Variants in PRMT3 observed in about 807,000 individuals in gnomAD.
PRMT3 encodes protein arginine N-methyltransferase 3.
PRMT3 carries 62 observed loss-of-function variants against 71.9 expected under a neutral mutation model. The observed-to-expected ratio is 0.86, with a 90% CI of 0.70 to 1.07. The LOEUF (loss-of-function observed/expected upper bound fraction) is 1.07, where lower values mean the gene tolerates loss of function less well. Among genes scored for constraint, PRMT3 ranks in the 50% least tolerant of loss-of-function variants. The pLI, the probability that PRMT3 is intolerant of heterozygous loss-of-function variation, is 0.00. For synonymous variants in PRMT3, 213 were observed against 220.4 expected (o/e 0.97, Z 0.30); for missense variants, 663 against 643.0 (o/e 1.03, Z -0.34).
At chr11:20,424,881 G>A (rs772413429) in intron 9 of PRMT3, among the ~76,000 whole-genome samples, 2 of 152,086 alleles carry the variant, frequency 1.3e-5, no homozygotes, top group Non-Finnish European at 2.9e-5. Flanking sequence ...AGCACTTTGG[G>A]AGGTTGAGGT....
At chr11:20,453,419 G>C (rs1376248722) in intron 11 of PRMT3, among the ~76,000 whole-genome samples, 1 of 150,726 alleles carries the variant, frequency 6.6e-6, no homozygotes, top group African/African-American at 2.4e-5. Flanking sequence ...GGCAGAGGTT[G>C]CAGTGAGAGG....
At chr11:20,472,151 A>T (rs756870243) in intron 13 of PRMT3, among the ~76,000 whole-genome samples, 1 of 152,188 alleles carries the variant, frequency 6.6e-6, no homozygotes, top group African/African-American at 2.4e-5. Flanking sequence ...GCAAACAAAG[A>T]TAATTTGACT....
intron 13 of PRMT3, among the ~76,000 whole-genome samples, chr11:20,475,289 C>G (rs1031049067): frequency 6.6e-6 from 1 of 152,188 alleles, no homozygotes; most frequent in Non-Finnish European, 1.5e-5. Context: ...CTTCTACTTT[C>G]TACAGTGCCG....
chr11:20,486,949 C>T (rs1202014815), intron 13 of PRMT3, among the ~76,000 whole-genome samples: 5 of 151,698 alleles, frequency 3.3e-5, no homozygotes, highest in African/African-American at 4.8e-5. Context: ...CCCAGCTACT[C>T]GGGAGGCTGA....
intron 15 of PRMT3, among the ~76,000 whole-genome samples, chr11:20,498,134 G>A (rs1851374902): frequency 6.6e-6 from 1 of 152,130 alleles, no homozygotes; most frequent in Non-Finnish European, 1.5e-5. Flanking sequence ...AAAGCAAGGA[G>A]AGAAGAAACA....
At chr11:20,476,224 G>A (rs1269249822) in intron 13 of PRMT3, among the ~76,000 whole-genome samples, 1 of 151,752 alleles carries the variant, frequency 6.6e-6, no homozygotes, top group East Asian at 2.0e-4. Context: ...GTGATGGCAG[G>A]CGCCTGTAAT....
chr11:20,482,154 T>C (rs898711966), intron 13 of PRMT3, among the ~76,000 whole-genome samples: 1 of 152,092 alleles, frequency 6.6e-6, no homozygotes, highest in Admixed American at 6.6e-5. Flanking sequence ...GATCCTCTTT[T>C]GAAAGCCATG....
At chr11:20,396,048 T>C in intron 6 of PRMT3, 86 bp downstream of exon 6, 1 of 1,232,832 alleles carries the variant, frequency 8.1e-7, no homozygotes, top group Non-Finnish European at 1.1e-6. Context: ...GTAGAACATT[T>C]CATATACTGG....
At chr11:20,446,074 C>G (rs1405764253) in intron 10 of PRMT3, among the ~76,000 whole-genome samples, 1 of 152,080 alleles carries the variant, frequency 6.6e-6, no homozygotes, top group African/African-American at 2.4e-5. Flanking sequence ...CACTTCAGCA[C>G]TCATGTCTGG....
intron 11 of PRMT3, among the ~76,000 whole-genome samples, chr11:20,453,701 G>A (rs1441128988): frequency 1.3e-5 from 2 of 151,930 alleles, no homozygotes; most frequent in Non-Finnish European, 2.9e-5. Context: ...GCAGCAATTG[G>A]CTGCAACTTT....
chr11:20,402,368 C>T (rs575356581), intron 7 of PRMT3, among the ~76,000 whole-genome samples: 4 of 152,152 alleles, frequency 2.6e-5, no homozygotes, highest in Non-Finnish European at 5.9e-5. Flanking sequence ...ATCCTCTTGC[C>T]TCGGCCTCCC....
chr11:20,415,674 T>C (rs1849289226), intron 9 of PRMT3, among the ~76,000 whole-genome samples: 1 of 37,622 alleles, frequency 2.7e-5, no homozygotes, highest in Admixed American at 1.7e-4. Flanking sequence ...AGTAGGCATA[T>C]TTCCACCATG....
At chr11:20,388,268 C>G (rs1478382171) in intron 2 of PRMT3, 114 bp downstream of exon 2, 6 of 1,439,610 alleles carry the variant, frequency 4.2e-6, no homozygotes, top group East Asian at 2.4e-5. Context: ...TCTTTGAATT[C>G]TGGAACCACT....
chr11:20,468,769 C>A (rs1157405156), intron 13 of PRMT3, among the ~76,000 whole-genome samples: 2 of 152,134 alleles, frequency 1.3e-5, no homozygotes, highest in Non-Finnish European at 2.9e-5. Context: ...AAGAACACCC[C>A]TTTTGTATTT....
At chr11:20,491,727 C>G (rs1180628341) in intron 13 of PRMT3, among the ~76,000 whole-genome samples, 1 of 152,078 alleles carries the variant, frequency 6.6e-6, no homozygotes. Flanking sequence ...CTGAGACTTG[C>G]AGCAGTGATT....
intron 6 of PRMT3, among the ~76,000 whole-genome samples, chr11:20,396,970 TGTA>T (rs767843710): frequency 1.3e-5 from 2 of 152,144 alleles, no homozygotes; most frequent in Non-Finnish European, 2.9e-5. Flanking sequence ...TAGAGCCAAT[TGTA>T]GTTCCTCTTC....
At chr11:20,388,282 C>A in intron 2 of PRMT3, 128 bp downstream of exon 2, 1 of 1,363,802 alleles carries the variant, frequency 7.3e-7, no homozygotes, top group Non-Finnish European at 1.0e-6. Flanking sequence ...AACCACTGGT[C>A]TGGGGTGAGG....
At chr11:20,480,739 G>A (rs1275425929) in intron 13 of PRMT3, among the ~76,000 whole-genome samples, 1 of 152,104 alleles carries the variant, frequency 6.6e-6, no homozygotes, top group East Asian at 1.9e-4. Context: ...GACAGGACTT[G>A]AGAATGAGTT....
chr11:20,415,818 C>T (rs1442498144), intron 9 of PRMT3, among the ~76,000 whole-genome samples: 2 of 152,168 alleles, frequency 1.3e-5, no homozygotes, highest in African/African-American at 4.8e-5. Flanking sequence ...CATTATTATT[C>T]TGCAATCATA....
Sources: allele counts gnomAD v4.1 joint callset (sites outside exome capture counted in the v4.1 genomes callset), GRCh38; gene constraint gnomAD v4.1.1; transcripts MANE v1.5; gene names NCBI Gene and HGNC (gene_info 2026-07-23, HGNC 2026-07-21).